The following CLYBL variants were observed in gnomAD, a reference collection of about 807,000 sequenced individuals.
CLYBL encodes the protein citramalyl-CoA lyase, mitochondrial.
A neutral mutation model predicts 38.9 loss-of-function variants in CLYBL; 31 were observed. The ratio of observed to expected loss-of-function variants is 0.80; its 90% CI spans 0.60 to 1.08. The LOEUF (loss-of-function observed/expected upper bound fraction) is 1.08, where lower values mean the gene tolerates loss of function less well. Among genes scored for constraint, CLYBL ranks in the 50% least tolerant of loss-of-function variants. CLYBL has a pLI of 0.00. For missense variants in CLYBL, 434 were observed against 411.6 expected, an observed-to-expected ratio of 1.05 and a Z score of -0.47; for synonymous variants, 171 against 158.6, an observed-to-expected ratio of 1.08 and a Z score of -0.59.
intron 1 of CLYBL, among the ~76,000 whole-genome samples, chr13:99,747,863 T>C (rs1053461421): frequency 1.1e-4 from 16 of 152,216 alleles, no homozygotes; most frequent in African/African-American, 3.9e-4. Flanking sequence ...ATCTGATCAA[T>C]ACGTTTTTGT....
intron 6 of CLYBL, among the ~76,000 whole-genome samples, chr13:99,870,414 G>A (rs1476954524): frequency 6.6e-6 from 1 of 152,152 alleles, no homozygotes; most frequent in Non-Finnish European, 1.5e-5. Flanking sequence ...AGCTGTATTT[G>A]ATAGTAATAT....
At chr13:99,633,299 A>G (rs2046974671) in intron 1 of CLYBL, among the ~76,000 whole-genome samples, 1 of 149,946 alleles carries the variant, frequency 6.7e-6, no homozygotes, top group South Asian at 2.1e-4. Flanking sequence ...CAGCACTTTG[A>G]GAGGCAGAAG....
At chr13:99,794,523 C>A (rs1245538388) in intron 2 of CLYBL, among the ~76,000 whole-genome samples, 1 of 151,742 alleles carries the variant, frequency 6.6e-6, no homozygotes, top group East Asian at 1.9e-4. Context: ...GTATTCTTTT[C>A]AGTTTTTAAA....
chr13:99,892,415 C>G (rs1280399447), intron 8 of CLYBL, 28 bp from the exon 9 acceptor site: 1 of 152,648 alleles, frequency 6.6e-6, no homozygotes, highest in Non-Finnish European at 1.5e-5. Context: ...CCATTGTTCC[C>G]TATTCAGCAT....
chr13:99,751,997 G>A (rs893462832), intron 1 of CLYBL, among the ~76,000 whole-genome samples: 2 of 152,046 alleles, frequency 1.3e-5, no homozygotes, highest in African/African-American at 4.8e-5. Context: ...GGTTCAGATC[G>A]CCAGTCCCTT....
At chr13:99,808,177 C>T (rs973662459) in intron 2 of CLYBL, among the ~76,000 whole-genome samples, 1 of 152,184 alleles carries the variant, frequency 6.6e-6, no homozygotes, top group Non-Finnish European at 1.5e-5. Flanking sequence ...CGTGGACCGC[C>T]TGGGCTCAAG....
At chr13:99,736,016 C>G (rs1289503827) in intron 1 of CLYBL, among the ~76,000 whole-genome samples, 2 of 141,416 alleles carry the variant, frequency 1.4e-5, no homozygotes, top group Non-Finnish European at 3.1e-5. Flanking sequence ...AACAGAATTA[C>G]TATATCCTAT....
intron 1 of CLYBL, among the ~76,000 whole-genome samples, chr13:99,710,138 T>A (rs1178520047): frequency 6.6e-6 from 1 of 152,042 alleles, no homozygotes; most frequent in African/African-American, 2.4e-5. Context: ...GGTCTCGATC[T>A]GCTGACCTCG....
At chr13:99,670,329 C>T (rs1158489158) in intron 1 of CLYBL, among the ~76,000 whole-genome samples, 7 of 152,324 alleles carry the variant, frequency 4.6e-5, no homozygotes, top group African/African-American at 1.7e-4. Flanking sequence ...TGAATAGCCA[C>T]TGCGGTCCAG....
intron 3 of CLYBL, 72 bp from the exon 4 acceptor site, chr13:99,862,919 T>A: frequency 2.8e-6 from 2 of 708,256 alleles, no homozygotes; most frequent in East Asian, 2.8e-5. Flanking sequence ...ACTTAAATAC[T>A]ACTTCTGGGT....
intron 7 of CLYBL, 68 bp from the exon 8 acceptor site, chr13:99,891,250 G>A: frequency 8.8e-7 from 1 of 1,134,642 alleles, no homozygotes; most frequent in South Asian, 1.2e-5. Context: ...TGTTGCACAA[G>A]TGTGCACAGA....
At chr13:99,748,095 C>G (rs78873451) in intron 1 of CLYBL, among the ~76,000 whole-genome samples, 7,219 of 152,188 alleles carry the variant, frequency 0.047, 231 homozygotes, top group East Asian at 0.14. Flanking sequence ...ACAAAAACTC[C>G]AATTCTCTGC....
intron 9 of CLYBL, among the ~76,000 whole-genome samples, chr13:99,907,673 G>A (rs1019184541): frequency 2.0e-5 from 3 of 152,020 alleles, no homozygotes; most frequent in African/African-American, 2.4e-5. Context: ...GCCTGGCAAC[G>A]TAGCATGACC....
At chr13:99,825,477 T>A (rs2050677006) in intron 2 of CLYBL, among the ~76,000 whole-genome samples, 1 of 152,138 alleles carries the variant, frequency 6.6e-6, no homozygotes, top group Non-Finnish European at 1.5e-5. Flanking sequence ...TTCCAGGTAG[T>A]TTTTCCCCTT....
At chr13:99,662,475 T>TA (rs2047422646) in intron 1 of CLYBL, among the ~76,000 whole-genome samples, 1 of 151,656 alleles carries the variant, frequency 6.6e-6, no homozygotes, top group Non-Finnish European at 1.5e-5. Context: ...ATTTATGCTT[T>TA]AAAAAATAGA....
intron 1 of CLYBL, among the ~76,000 whole-genome samples, chr13:99,760,472 T>C: frequency 6.6e-6 from 1 of 152,258 alleles, no homozygotes. Flanking sequence ...TAAGCATTTC[T>C]TGCAGGGCAG....
intron 8 of CLYBL, among the ~76,000 whole-genome samples, chr13:99,902,214 TAAC>T (rs1252059426): frequency 6.6e-6 from 1 of 152,190 alleles, no homozygotes; most frequent in African/African-American, 2.4e-5. Context: ...ACCAGAAAGG[TAAC>T]AACAAATGAT....
intron 6 of CLYBL, 22 bp from the exon 7 acceptor site, chr13:99,870,916 G>A (rs746464088): frequency 2.8e-5 from 44 of 1,581,916 alleles, no homozygotes; most frequent in Middle Eastern, 1.7e-4. Flanking sequence ...TCGTGGTTCC[G>A]ATGTTATTAA....
intron 2 of CLYBL, among the ~76,000 whole-genome samples, chr13:99,832,185 C>T (rs757776568): frequency 2.0e-5 from 3 of 152,236 alleles, no homozygotes; most frequent in Non-Finnish European, 2.9e-5. Flanking sequence ...GTTCCAGCAT[C>T]TGAGAAACTT....
Sources: allele counts gnomAD v4.1 joint callset (sites outside exome capture counted in the v4.1 genomes callset), GRCh38; gene constraint gnomAD v4.1.1; transcripts MANE v1.5; gene names NCBI Gene and HGNC (gene_info 2026-07-23, HGNC 2026-07-21).